The following PLEKHG1 variants were observed in gnomAD, a reference collection of about 807,000 sequenced individuals.
PLEKHG1 encodes the protein pleckstrin homology and RhoGEF domain containing G1.
Under a neutral mutation model 100.8 loss-of-function variants are expected in PLEKHG1, and 44 were observed. The observed-to-expected ratio is 0.44, with a 90% CI of 0.34 to 0.56. The LOEUF is 0.56. Ranked by LOEUF, PLEKHG1 falls within the 20% of genes least tolerant of loss-of-function variation. PLEKHG1 has a pLI of 0.01. For missense variants in PLEKHG1, 1,545 were observed against 1,720.9 expected (o/e 0.90, Z 1.81); for synonymous variants, 640 against 662.5 (o/e 0.97, Z 0.52).
chr6:150,831,441 G>A lies in PLEKHG1; in HGVS notation c.2330G>A (p.Cys777Tyr). The A allele has an allele frequency of 6.2e-7, 1 of 1,614,150 alleles. No individual in the cohort carries two copies. Reference sequence around the variant, plus strand: ...TTGGGTCTGGAGGCCGACTTCGTGTGCTGTGACAGCCTGAGGCCATTTGTT... The same window carrying A: ...TTGGGTCTGGAGGCCGACTTCGTGTACTGTGACAGCCTGAGGCCATTTGTT... Residue 777 changes from cysteine to tyrosine, a missense_variant, in exon 15 of 16, where the codon TGC becomes TAC. Physicochemically the swap from Cys to Tyr is radical, Grantham distance 194. Transcript: ENST00000358517. The surrounding 1 kb of genome is among the most constrained non-coding windows in gnomAD (Gnocchi z 4.1).
chr6:150,788,562 C>T (rs1785770253), intron 4 of PLEKHG1, among the ~76,000 whole-genome samples: 1 of 152,154 alleles, frequency 6.6e-6, no homozygotes, highest in Non-Finnish European at 1.5e-5. Flanking sequence ...CACAGTTCTC[C>T]TGAAGGACAG....
In PLEKHG1 at chr6:150,630,845, G is replaced by C. The variant is rs185057006; in HGVS notation, c.-203-7235G>C. Among the ~76,000 whole-genome samples the C allele has an allele frequency of 5.7e-4, 87 of 152,294 alleles. No individual in the cohort carries two copies. The East Asian group carries it at 8.1e-3, about 14-fold the overall frequency. ...ACTTGGAAGATTCGGCCCAGGAAATGGGGAAGGAGCTGCCAGCAAGGAAGG... is the reference window on the plus strand; with the variant it reads ...ACTTGGAAGATTCGGCCCAGGAAATCGGGAAGGAGCTGCCAGCAAGGAAGG... On this transcript the variant is annotated intron_variant, in intron 1 of 3. Coordinates refer to the PLEKHG1 transcript ENST00000367326.
intron 3 of PLEKHG1, among the ~76,000 whole-genome samples, chr6:150,657,503 A>C (rs1396851342): frequency 2.0e-5 from 3 of 152,234 alleles, no homozygotes; most frequent in Non-Finnish European, 4.4e-5. Flanking sequence ...AATCATCAAC[A>C]TCCTTAACTT....
intron 3 of PLEKHG1, among the ~76,000 whole-genome samples, chr6:150,706,998 C>CTTTTTTTT (rs71014517): frequency 5.8e-5 from 3 of 51,924 alleles, no homozygotes; most frequent in African/African-American, 2.3e-4. Context: ...TTTTCTTTTT[C>CTTTTTTTT]TTTTTTTTTT....
intron 3 of PLEKHG1, among the ~76,000 whole-genome samples, chr6:150,715,149 A>G (rs1022647077): frequency 6.6e-6 from 1 of 152,154 alleles, no homozygotes; most frequent in African/African-American, 2.4e-5. Flanking sequence ...TTGCCACTAA[A>G]ATTATTTCAC....
chr6:150,722,738 C>T (rs1215295160), intron 1 of PLEKHG1, among the ~76,000 whole-genome samples: 1 of 152,138 alleles, frequency 6.6e-6, no homozygotes, highest in Non-Finnish European at 1.5e-5. Context: ...TGGAATTTGC[C>T]TCTTCTTCCT....
intron 1 of PLEKHG1, among the ~76,000 whole-genome samples, chr6:150,606,371 C>T (rs953775974): frequency 6.6e-6 from 1 of 152,212 alleles, no homozygotes; most frequent in Non-Finnish European, 1.5e-5. Context: ...AATACTCCTT[C>T]TCTCCTCCCT....
In PLEKHG1 at chr6:150,795,905, A is replaced by G. The variant is rs1479427100; in HGVS notation, c.629+3A>G. On this transcript the variant is annotated splice_donor_region_variant and intron_variant, in intron 5 of 15. Coordinates refer to ENST00000358517, the Ensembl canonical transcript of PLEKHG1. ...CAGTATTGCACTAACTATCCAAGGT[A>G]TGGATCGAGAATGGGCCAAGAGTAC... 1 of 1,578,056 alleles carries G rather than the reference A, an allele frequency of 6.3e-7. No individual in the cohort carries two copies. The highest frequency in any genetic ancestry group is 8.7e-7 in the Non-Finnish European group (1 of 1,147,798).
In PLEKHG1 at chr6:150,800,010, G is replaced by A. The variant is rs933157795; in HGVS notation, c.630-709G>A. 3.9e-5 allele frequency among the ~76,000 whole-genome samples: 6 copies of A among 152,272 alleles called. 1 individual carries two copies. Among genetic ancestry groups the A allele is most frequent in the Admixed American group, 1.3e-4 (2 of 15,288 alleles). On this transcript the variant is annotated intron_variant, in intron 5 of 15. Coordinates refer to ENST00000358517, the Ensembl canonical transcript of PLEKHG1. ...ATCACCTCGGGGGGATCTGGGTTGC[G>A]GAAAGAATTCTAACCCACTTTTGGA...
At chr6:150,838,831 T>G (rs1398498706) in intron 15 of PLEKHG1, among the ~76,000 whole-genome samples, 1 of 152,238 alleles carries the variant, frequency 6.6e-6, no homozygotes, top group Non-Finnish European at 1.5e-5. Context: ...AGACGGTTCC[T>G]TCTTAATGTC....
At chr6:150,634,464 A>G (rs2128563565) in intron 1 of PLEKHG1, among the ~76,000 whole-genome samples, 1 of 152,308 alleles carries the variant, frequency 6.6e-6, no homozygotes, top group East Asian at 1.9e-4. Flanking sequence ...TCAGTATGTT[A>G]TCCAGTGCCA....
chr6:150,810,514 AAAAGAAAG>A (rs370057036), intron 10 of PLEKHG1, among the ~76,000 whole-genome samples: 953 of 88,636 alleles, frequency 0.011, 10 homozygotes, highest in African/African-American at 0.03. Context: ...GAAAGAAAGA[AAAAGAAAG>A]AAAGAAAGAA....
chr6:150,612,045 TCC>T (rs34843386), intron 1 of PLEKHG1, among the ~76,000 whole-genome samples: 9,228 of 76,812 alleles, frequency 0.12, 511 homozygotes, highest in East Asian at 0.14. Context: ...CTGGTGTTGT[TCC>T]CCCCCCCCCC....
chr6:150,822,905 G>A (rs189276000), intron 13 of PLEKHG1, among the ~76,000 whole-genome samples: 90 of 152,296 alleles, frequency 5.9e-4, no homozygotes, highest in Non-Finnish European at 1.1e-3. Flanking sequence ...GCTTGAACCC[G>A]GGAGGCAGAG....
intron 3 of PLEKHG1, among the ~76,000 whole-genome samples, chr6:150,708,386 A>C (rs556662808): frequency 6.6e-6 from 1 of 152,138 alleles, no homozygotes; most frequent in African/African-American, 2.4e-5. Context: ...TCTCAGCCCC[A>C]GCCCCACCTT....
intron 2 of PLEKHG1, among the ~76,000 whole-genome samples, chr6:150,760,536 C>A (rs185667964): frequency 6.6e-6 from 1 of 151,690 alleles, no homozygotes; most frequent in Admixed American, 6.6e-5. Flanking sequence ...CTGGTAAACA[C>A]GGTGGTGGCC....
At chr6:150,822,420 T>G (rs1385757414) in intron 13 of PLEKHG1, among the ~76,000 whole-genome samples, 1 of 152,224 alleles carries the variant, frequency 6.6e-6, no homozygotes, top group Non-Finnish European at 1.5e-5. Context: ...ACATATCCTC[T>G]TAACCCAACA....
Position 150,823,651 on chromosome 6 carries a change from C to A in PLEKHG1, c.1448-3C>A. The stretch of plus-strand genomic sequence containing the variant: ...AACTTGAAAAAAAACTTTTATTTTT[C>A]AGAAACAGCACAAGACATCCAAAAG... On this transcript the variant is annotated splice_polypyrimidine_tract_variant and splice_region_variant and intron_variant, in intron 13 of 15. Coordinates refer to ENST00000358517, the Ensembl canonical transcript of PLEKHG1. 6.2e-7 allele frequency: 1 copy of A among 1,604,886 alleles called. No homozygotes were observed. The highest frequency in any genetic ancestry group is 1.1e-5 in the South Asian group (1 of 90,760).
At chr6:150,655,580 C>T (rs556456342) in intron 3 of PLEKHG1, among the ~76,000 whole-genome samples, 11 of 151,844 alleles carry the variant, frequency 7.2e-5, no homozygotes, top group East Asian at 3.9e-4. Context: ...TGGTGGCGGG[C>T]GCCTGTAGTC....
Sources: allele counts gnomAD v4.1 joint callset (sites outside exome capture counted in the v4.1 genomes callset), GRCh38; gene constraint gnomAD v4.1.1; non-coding constraint Gnocchi (gnomAD v3.1); transcripts MANE v1.5; gene names NCBI Gene and HGNC (gene_info 2026-07-23, HGNC 2026-07-21).